Variants in PEAK1 observed in about 807,000 individuals in gnomAD.
PEAK1 encodes the protein pseudopodium enriched atypical kinase 1.
PEAK1 carries 54 observed loss-of-function variants against 124.7 expected under a neutral mutation model. That is an observed-to-expected ratio of 0.43 (90% CI 0.35 to 0.54). The LOEUF is 0.54. Ranked by LOEUF, PEAK1 falls within the 20% of genes least tolerant of loss-of-function variation. The pLI is 0.01. For synonymous variants in PEAK1, 719 were observed against 760.0 expected (o/e 0.95, Z 0.89); for missense variants, 2,046 against 2,134.5 (o/e 0.96, Z 0.82).
chr15:77,175,030 G>A (rs1456862413), intron 7 of PEAK1, among the ~76,000 whole-genome samples: 1 of 151,246 alleles, frequency 6.6e-6, no homozygotes, highest in Admixed American at 6.6e-5. Flanking sequence ...AAATGGTGCT[G>A]GGAAAACTGG....
intron 5 of PEAK1, among the ~76,000 whole-genome samples, chr15:77,264,124 T>G (rs2061590289): frequency 1.3e-5 from 2 of 152,198 alleles, no homozygotes; most frequent in African/African-American, 2.4e-5. Flanking sequence ...AAGAGCTATC[T>G]GTGACAAACC....
rs115711159 is a variant in PEAK1, at chr15:77,300,729, G to A, written c.-602-14225C>T. ...ATCACATTACATTTATTCTCCTTAG[G>A]CTAGTCTTGGTTGTGACAGTTTCTC... On this transcript the variant is annotated intron_variant, in intron 2 of 9. Coordinates refer to ENST00000682557, the MANE Select transcript of PEAK1 (RefSeq NM_001385026.1). 3.7e-3 allele frequency among the ~76,000 whole-genome samples: 565 copies of A among 152,000 alleles called. 6 individuals carry two copies. The highest frequency in any genetic ancestry group is 0.013 in the African/African-American group (536 of 41,460).
intron 6 of PEAK1, among the ~76,000 whole-genome samples, chr15:77,222,463 C>G (rs2059433178): frequency 6.6e-6 from 1 of 151,978 alleles, no homozygotes; most frequent in Non-Finnish European, 1.5e-5. Context: ...TGATCTTATG[C>G]ATTTTACAGA....
chr15:77,135,282 G>C (rs985469306), intron 8 of PEAK1, among the ~76,000 whole-genome samples: 2 of 152,138 alleles, frequency 1.3e-5, no homozygotes, highest in East Asian at 3.8e-4. Context: ...TAGGGGTGGT[G>C]GTTTGTTTTG....
intron 6 of PEAK1, among the ~76,000 whole-genome samples, chr15:77,238,714 G>A (rs1213715529): frequency 1.3e-5 from 2 of 152,136 alleles, no homozygotes; most frequent in Non-Finnish European, 2.9e-5. Flanking sequence ...GATAGTTAGT[G>A]TTCTAGGGGT....
intron 2 of PEAK1, among the ~76,000 whole-genome samples, chr15:77,305,329 A>G (rs2064036233): frequency 6.6e-6 from 1 of 152,208 alleles, no homozygotes. Context: ...TGTCCTCCAT[A>G]TAACAACAAG....
At chr15:77,284,291 A>G (rs2062812646) in intron 4 of PEAK1, among the ~76,000 whole-genome samples, 1 of 152,208 alleles carries the variant, frequency 6.6e-6, no homozygotes, top group African/African-American at 2.4e-5. Context: ...ATCTCTAAAG[A>G]CTTATCTCGC....
intron 6 of PEAK1, among the ~76,000 whole-genome samples, chr15:77,207,127 A>C (rs1444932212): frequency 6.6e-6 from 1 of 152,224 alleles, no homozygotes; most frequent in Non-Finnish European, 1.5e-5. Context: ...AGATGGATTA[A>C]AGACTTAAAC....
intron 7 of PEAK1, among the ~76,000 whole-genome samples, chr15:77,170,140 T>A (rs1293829904): frequency 6.6e-6 from 1 of 152,098 alleles, no homozygotes; most frequent in African/African-American, 2.4e-5. Context: ...TGCTTCAAGA[T>A]AATGGGGGGA....
intron 6 of PEAK1, among the ~76,000 whole-genome samples, chr15:77,225,682 A>ATATATATATATATG (rs2059609969): frequency 7.2e-6 from 1 of 139,142 alleles, no homozygotes; most frequent in Non-Finnish European, 1.6e-5. Flanking sequence ...ATATATATAT[A>ATATATATATATATG]TATATATATA....
chr15:77,255,898 T>C (rs1267885383), intron 5 of PEAK1, among the ~76,000 whole-genome samples: 3 of 152,182 alleles, frequency 2.0e-5, no homozygotes, highest in Non-Finnish European at 2.9e-5. Flanking sequence ...AAAGAAAATA[T>C]GCTTTGAAAT....
At chr15:77,194,094 A>G (rs1478116466) in intron 6 of PEAK1, among the ~76,000 whole-genome samples, 4 of 152,202 alleles carry the variant, frequency 2.6e-5, no homozygotes, top group Non-Finnish European at 4.4e-5. Flanking sequence ...TCTAGGTACC[A>G]TAACAGTAAA....
At chr15:77,284,187 T>G (rs1382309590) in intron 4 of PEAK1, 157 bp from the exon 5 acceptor site, 1 of 213,884 alleles carries the variant, frequency 4.7e-6, no homozygotes, top group Non-Finnish European at 8.0e-6. Context: ...GATTAATGTA[T>G]GTAAAGAGCA....
At chr15:77,103,997 T>C (rs2050721800), downstream of PEAK1, 1 of 152,452 alleles carries the variant, frequency 6.6e-6, no homozygotes, top group African/African-American at 2.4e-5. Flanking sequence ...ACTCCTTGGC[T>C]ACCCCAGTCT....
In PEAK1 at chr15:77,235,923, G is replaced by C. The variant is rs183905460; in HGVS notation, c.-115+16444C>G. Among the ~76,000 whole-genome samples, 6 of 152,310 alleles carry C rather than the reference G, an allele frequency of 3.9e-5. No individual in the cohort carries two copies. The East Asian group carries it at 1.2e-3, about 29-fold the overall frequency. On this transcript the variant is annotated intron_variant, in intron 6 of 9. Transcript: ENST00000682557. ...TCAGAGGGTGCAAGCCCCAAGCCTT[G>C]GTGGCTTCCCTATGGTGTTGAGCCT...
chr15:77,115,954 A>G (rs1437235548), intron 9 of PEAK1, among the ~76,000 whole-genome samples: 1 of 152,202 alleles, frequency 6.6e-6, no homozygotes, highest in Non-Finnish European at 1.5e-5. Flanking sequence ...GGTCTGACCT[A>G]GTCAGAACAA....
At chr15:77,236,423 A>C (rs2060128078) in intron 6 of PEAK1, among the ~76,000 whole-genome samples, 2 of 152,224 alleles carry the variant, frequency 1.3e-5, no homozygotes, top group African/African-American at 4.8e-5. Context: ...TCCGACTTGC[A>C]TGAGGCCTAT....
intron 7 of PEAK1, among the ~76,000 whole-genome samples, chr15:77,166,483 A>G (rs1377007458): frequency 6.6e-6 from 1 of 152,132 alleles, no homozygotes; most frequent in African/African-American, 2.4e-5. Flanking sequence ...TCTTGCCTCT[A>G]CCTGCTAAAG....
chr15:77,199,723 G>A (rs1409108908), intron 6 of PEAK1, among the ~76,000 whole-genome samples: 1 of 152,108 alleles, frequency 6.6e-6, no homozygotes, highest in Non-Finnish European at 1.5e-5. Flanking sequence ...ACACTGAAGA[G>A]CTAATATACC....
Sources: gnomAD v4.1 joint callset for allele counts (sites outside exome capture counted in the v4.1 genomes callset) on GRCh38, gnomAD v4.1.1 for gene constraint, MANE v1.5 for transcripts, NCBI Gene and HGNC (gene_info 2026-07-23, HGNC 2026-07-21) for gene names.